TRHDE: variants seen among roughly 807,000 people sequenced by gnomAD.
TRHDE encodes thyrotropin releasing hormone degrading enzyme, also known as thyrotropin-releasing hormone-degrading ectoenzyme.
A neutral mutation model predicts 125.7 loss-of-function variants in TRHDE; 72 were observed. That is an observed-to-expected ratio of 0.57 (90% confidence interval 0.47 to 0.70). TRHDE has a LOEUF of 0.70. Among genes scored for constraint, TRHDE ranks in the 30% least tolerant of loss-of-function variants. The pLI, the probability that TRHDE is intolerant of heterozygous loss-of-function variation, is 0.00. For synonymous variants in TRHDE, 509 were observed against 509.1 expected (o/e 1.00, Z 0.00); for missense variants, 1,110 against 1,327.1 (o/e 0.84, Z 2.54).
At chr12:72,482,973 A>G (rs1877241031) in intron 5 of TRHDE, among the ~76,000 whole-genome samples, 1 of 151,992 alleles carries the variant, frequency 6.6e-6, no homozygotes, top group Admixed American at 6.5e-5. Context: ...GCCTAAAAAT[A>G]ATTTGGCTTC....
At chr12:72,470,863 CTTTTTTTTTTTTTTTTTTTT>C (rs768937293) in intron 4 of TRHDE, among the ~76,000 whole-genome samples, 2 of 67,930 alleles carry the variant, frequency 2.9e-5, no homozygotes, top group African/African-American at 1.2e-4. Flanking sequence ...TAAATGTCAG[CTTTTTTTTTTTTTTTTTTTT>C]TTTTTTTTTT....
At chr12:72,164,858 C>G (rs1212763114) in intron 2 of TRHDE, among the ~76,000 whole-genome samples, 1 of 152,168 alleles carries the variant, frequency 6.6e-6, no homozygotes, top group African/African-American at 2.4e-5. Flanking sequence ...TTTTCACAGA[C>G]TAGGAACAAA....
intron 5 of TRHDE, among the ~76,000 whole-genome samples, chr12:72,497,163 C>T (rs996625952): frequency 2.0e-5 from 3 of 151,930 alleles, no homozygotes; most frequent in East Asian, 1.9e-4. Flanking sequence ...ATTTAACACT[C>T]GAAAACTTAA....
At chr12:72,158,166 G>A (rs549945149) in intron 2 of TRHDE, among the ~76,000 whole-genome samples, 1 of 152,204 alleles carries the variant, frequency 6.6e-6, no homozygotes, top group Admixed American at 6.5e-5. Flanking sequence ...AGAAAAGTGA[G>A]AAAATTGCAA....
At chr12:72,504,812 A>G (rs2135941191) in intron 6 of TRHDE, among the ~76,000 whole-genome samples, 1 of 152,316 alleles carries the variant, frequency 6.6e-6, no homozygotes, top group Non-Finnish European at 1.5e-5. Context: ...ATGTAACACA[A>G]TAATTTCTTG....
rs1164553449 is a variant in TRHDE at position 72,297,074 on chromosome 12, A to C, written c.1188+10120A>C. ...CTTTTGTGCCTTTCTGCAAGTTTTA[A>C]GAACCCAGGAATAAGAATAGAGAAA... On this transcript the variant is annotated intron_variant, in intron 2 of 18. Transcript: ENST00000261180. 4.6e-5 allele frequency among the ~76,000 whole-genome samples: 7 copies of C among 152,208 alleles called. No individual in the cohort carries two copies. In the East Asian group the frequency reaches 1.3e-3, roughly 29 times the overall value.
intron 3 of TRHDE, among the ~76,000 whole-genome samples, chr12:72,417,239 A>C (rs1473247722): frequency 6.6e-6 from 1 of 151,966 alleles, no homozygotes; most frequent in Non-Finnish European, 1.5e-5. Context: ...TTAACCTTTA[A>C]ATGACAAGTG....
intron 7 of TRHDE, among the ~76,000 whole-genome samples, chr12:72,545,982 G>T (rs1057334008): frequency 4.6e-5 from 7 of 151,558 alleles, no homozygotes; most frequent in Non-Finnish European, 5.9e-5. Context: ...TTTGAGAAGA[G>T]CCAACATCCT....
rs1366399023 is a variant in TRHDE, at chr12:72,238,324, ATATATATATACACAT to A, written n.279+132583_279+132597del. On this transcript the variant is annotated intron_variant and non_coding_transcript_variant, in intron 2 of 4. Coordinates refer to the TRHDE transcript ENST00000548156. ...TATATATATATATATATATATATAC[ATATATATATACACAT>A]TATATATATATATATATATATATAC... 1.2e-4 allele frequency among the ~76,000 whole-genome samples: 3 copies of A among 25,378 alleles called. 1 individual carries two copies. The highest frequency in any genetic ancestry group is 2.5e-4 in the Non-Finnish European group (3 of 11,856). The allele number at this position is 25,378 out of a possible 152,430, so 16.6% of individuals were successfully genotyped here. A position where few individuals can be genotyped will look rare whatever the true frequency, so the allele number is the denominator to read the frequency against.
chr12:72,448,674 G>A lies in TRHDE; in HGVS notation c.1316-21084G>A, dbSNP rs73344444. On this transcript the variant is annotated intron_variant, in intron 3 of 18. Transcript: ENST00000261180. ...AATTACAACTTACTATCTCTAAAGT[G>A]TCTTAGAGTATGTAAAATGCTATTA... Among the ~76,000 whole-genome samples, 1,327 of 150,618 alleles carry A rather than the reference G, an allele frequency of 8.8e-3. 21 individuals carry two copies. Among genetic ancestry groups the A allele is most frequent in the African/African-American group, 0.03 (1,239 of 41,444 alleles).
intron 2 of TRHDE, among the ~76,000 whole-genome samples, chr12:72,128,618 T>C (rs1035215116): frequency 1.3e-5 from 2 of 152,206 alleles, no homozygotes; most frequent in Non-Finnish European, 2.9e-5. Flanking sequence ...GGTTTAAAAC[T>C]AAAATGTGTG....
At chr12:72,493,172 A>G (rs761712813) in intron 5 of TRHDE, among the ~76,000 whole-genome samples, 11 of 151,942 alleles carry the variant, frequency 7.2e-5, no homozygotes, top group Non-Finnish European at 1.3e-4. Flanking sequence ...GGATTAAAAA[A>G]CTTCCTTTAT....
At chr12:72,521,195 C>T (rs1353471650) in intron 6 of TRHDE, among the ~76,000 whole-genome samples, 2 of 152,158 alleles carry the variant, frequency 1.3e-5, no homozygotes, top group African/African-American at 2.4e-5. Context: ...TTGGAAATAA[C>T]TTTCAGATGC....
rs538823843 is a variant in TRHDE at position 72,564,653 on chromosome 12, A to ATTTTTTTTTTTTTTT, written c.2042+1631_2042+1645dup. Among the ~76,000 whole-genome samples the ATTTTTTTTTTTTTTT allele has an allele frequency of 1.0e-3, 55 of 54,316 alleles. 11 individuals carry two copies. Among genetic ancestry groups the ATTTTTTTTTTTTTTT allele is most frequent in the Non-Finnish European group, 1.7e-3 (51 of 30,572 alleles). 35.6% of individuals were successfully genotyped at this position (54,316 alleles called of 152,430 possible). Reference sequence around the variant, plus strand: ...TGGAATTATAAAATCATGCGTATGAATTTTTTTTTTTTTTTTTTTTTTTTT... The same window carrying ATTTTTTTTTTTTTTT: ...TGGAATTATAAAATCATGCGTATGAATTTTTTTTTTTTTTTTTTTTTTTTTTTTTTTTTTTTTTTT... On this transcript the variant is annotated intron_variant, in intron 9 of 18. Transcript: ENST00000261180.
At chr12:72,549,118 T>G (rs1869555191) in intron 7 of TRHDE, among the ~76,000 whole-genome samples, 1 of 151,742 alleles carries the variant, frequency 6.6e-6, no homozygotes, top group Non-Finnish European at 1.5e-5. Flanking sequence ...GAGGTGTGGA[T>G]AAAAAGCAAA....
intron 6 of TRHDE, among the ~76,000 whole-genome samples, chr12:72,515,961 G>T (rs1396763375): frequency 1.5e-5 from 2 of 131,470 alleles, no homozygotes; most frequent in Non-Finnish European, 3.1e-5. Context: ...TAGATATGTG[G>T]CGCTATTTCT....
intron 2 of TRHDE, among the ~76,000 whole-genome samples, chr12:72,228,340 G>A (rs1406039754): frequency 6.6e-6 from 1 of 152,204 alleles, no homozygotes; most frequent in Non-Finnish European, 1.5e-5. Context: ...TCCAAGGCTT[G>A]GGGCTTGTAC....
At chr12:72,535,391 T>C (rs1770668479) in intron 6 of TRHDE, among the ~76,000 whole-genome samples, 1 of 152,054 alleles carries the variant, frequency 6.6e-6, no homozygotes, top group African/African-American at 2.4e-5. Flanking sequence ...TCTGGGGTTG[T>C]CTCTAGGAGA....
intron 3 of TRHDE, among the ~76,000 whole-genome samples, chr12:72,411,112 A>T (rs1489699952): frequency 6.7e-6 from 1 of 150,268 alleles, no homozygotes; most frequent in Non-Finnish European, 1.5e-5. Flanking sequence ...CTGAGGCAGG[A>T]GAATGGTGTG....
Sources: gnomAD v4.1 joint callset for allele counts (sites outside exome capture counted in the v4.1 genomes callset) on GRCh38, gnomAD v4.1.1 for gene constraint, MANE v1.5 for transcripts, NCBI Gene and HGNC (gene_info 2026-07-23, HGNC 2026-07-21) for gene names.